Variants in TMC7 observed in about 807,000 individuals in gnomAD.
TMC7 encodes the protein transmembrane channel-like protein 7.
TMC7 carries 54 observed loss-of-function variants against 82.9 expected under a neutral mutation model. The ratio of observed to expected loss-of-function variants is 0.65; its 90% confidence interval spans 0.52 to 0.82. The LOEUF is 0.82. Among genes scored for constraint, TMC7 ranks in the 40% least tolerant of loss-of-function variants. TMC7 has a pLI of 0.00. For synonymous variants in TMC7, 350 were observed against 337.9 expected (o/e 1.04, Z -0.39); for missense variants, 820 against 901.2 (o/e 0.91, Z 1.15).
At chr16:19,035,871 C>G in intron 7 of TMC7, 48 bp downstream of exon 7, 1 of 1,524,358 alleles carries the variant, frequency 6.6e-7, no homozygotes, top group Non-Finnish European at 8.8e-7. Context: ...CCAGCAAGGT[C>G]CTGCCTTTGG....
chr16:19,004,920 C>T (rs899041663), intron 1 of TMC7, among the ~76,000 whole-genome samples: 1 of 151,462 alleles, frequency 6.6e-6, no homozygotes, highest in Non-Finnish European at 1.5e-5. Context: ...CCAAGCTGGT[C>T]TTGAATTCCT....
chr16:19,061,632 G>T, intron 15 of TMC7, 146 bp from the exon 16 acceptor site: 1 of 608,858 alleles, frequency 1.6e-6, no homozygotes, highest in Non-Finnish European at 2.8e-6. Flanking sequence ...GTGGACAAGG[G>T]GCTGTGGAGC....
chr16:19,004,894 A>G (rs1395592307), intron 1 of TMC7, among the ~76,000 whole-genome samples: 1 of 149,246 alleles, frequency 6.7e-6, no homozygotes, highest in Non-Finnish European at 1.5e-5. Flanking sequence ...TTGGAATTGG[A>G]GTCTTGTTAT....
At chr16:18,989,824 T>C (rs999032501) in intron 1 of TMC7, among the ~76,000 whole-genome samples, 2 of 151,620 alleles carry the variant, frequency 1.3e-5, no homozygotes, top group African/African-American at 4.8e-5. Flanking sequence ...AGGCGACTCC[T>C]TTTTTTTATT....
intron 4 of TMC7, among the ~76,000 whole-genome samples, chr16:19,022,322 G>A (rs1960018123): frequency 6.6e-6 from 1 of 152,182 alleles, no homozygotes; most frequent in Admixed American, 6.5e-5. Flanking sequence ...GTGCAAATAT[G>A]CAAATATATA....
Position 19,059,170 on chromosome 16 carries a change from G to A in TMC7, c.2028-246G>A, listed in dbSNP as rs554101231. Among the ~76,000 whole-genome samples the A allele has an allele frequency of 2.0e-5, 3 of 152,076 alleles. No individual in the cohort carries two copies. The East Asian group carries it at 5.8e-4, about 29-fold the overall frequency. On this transcript the variant is annotated intron_variant, in intron 14 of 15. Coordinates refer to ENST00000304381, the MANE Select transcript of TMC7 (RefSeq NM_024847.4). ...TGGGATTACAGGTGTGAGCCACTGCGCCCGGCCATATTTTATTTTTCTAGA... is the reference window on the plus strand; with the variant it reads ...TGGGATTACAGGTGTGAGCCACTGCACCCGGCCATATTTTATTTTTCTAGA...
intron 1 of TMC7, chr16:18,984,512 G>T (rs1276435000): frequency 9.6e-7 from 1 of 1,039,946 alleles, no homozygotes; most frequent in Non-Finnish European, 1.2e-6. Flanking sequence ...GGACATTTCA[G>T]CCTTCACATA....
intron 15 of TMC7, chr16:19,059,713 T>G: frequency 5.3e-6 from 8 of 1,519,994 alleles, no homozygotes; most frequent in Non-Finnish European, 7.0e-6. Flanking sequence ...TGGTGGCTCA[T>G]GCCTGTAATC....
chr16:19,043,092 T>TA (rs749104396), intron 9 of TMC7, among the ~76,000 whole-genome samples: 80 of 146,430 alleles, frequency 5.5e-4, no homozygotes, highest in South Asian at 1.1e-3. Flanking sequence ...AAAATTGTCT[T>TA]AAAAAAAAAA....
chr16:19,038,159 T>C, intron 8 of TMC7, 112 bp downstream of exon 8: 1 of 1,087,384 alleles, frequency 9.2e-7, no homozygotes, highest in Non-Finnish European at 1.3e-6. Flanking sequence ...TTGGCTGATA[T>C]GATCAAGACC....
chr16:19,026,113 G>T (rs978952279), intron 5 of TMC7, among the ~76,000 whole-genome samples: 19 of 151,402 alleles, frequency 1.3e-4, no homozygotes, highest in Non-Finnish European at 2.4e-4. Context: ...CTGATCTCAC[G>T]TTTTCCTAAA....
Position 19,063,044 on chromosome 16 carries a change from C to T in TMC7, c.*1201C>T, listed in dbSNP as rs1962073069. The T allele has an allele frequency of 6.6e-6, 1 of 152,172 alleles. No homozygotes were observed. Among genetic ancestry groups the T allele is most frequent in the Non-Finnish European group, 1.5e-5 (1 of 68,022 alleles). The allele number at this position is 152,172 out of a possible 1,614,324, so 9.4% of individuals were successfully genotyped here. A position where few individuals can be genotyped will look rare whatever the true frequency, so the allele number is the denominator to read the frequency against. ...CTCGTCCCTTTCTTACAGCCATTTT[C>T]TTGCTTTTCCACAAAGATATTATTT... On this transcript the variant is annotated 3_prime_UTR_variant, in exon 16 of 16. Transcript: ENST00000304381.
In TMC7 at chr16:18,988,974, C is replaced by T. The variant is rs564851906; in HGVS notation, c.67+4844C>T. 3.0e-4 allele frequency among the ~76,000 whole-genome samples: 46 copies of T among 151,426 alleles called. 1 individual carries two copies. In the East Asian group the frequency reaches 3.1e-3, roughly 10 times the overall value. On this transcript the variant is annotated intron_variant, in intron 1 of 15. Coordinates refer to ENST00000304381, the MANE Select transcript of TMC7 (RefSeq NM_024847.4). ...CTGAGGCAGGAGAATGGCTTGATCC[C>T]GGGAGCAGAGGTTGCTTGCAGTGAG...
At chr16:19,020,899 A>C (rs1202514282) in intron 3 of TMC7, among the ~76,000 whole-genome samples, 1 of 148,702 alleles carries the variant, frequency 6.7e-6, no homozygotes, top group Non-Finnish European at 1.5e-5. Context: ...TAAAAGCCAG[A>C]TATCTAGGAA....
rs1186034546 is a variant in TMC7 at position 19,061,666 on chromosome 16, G to A, written c.2107-112G>A. The A allele has an allele frequency of 9.9e-6, 8 of 808,472 alleles. No homozygotes were observed. In the Admixed American group the frequency reaches 1.1e-4, roughly 11 times the overall value. 50.1% of individuals were successfully genotyped at this position (808,472 alleles called of 1,614,324 possible). A position where few individuals can be genotyped will look rare whatever the true frequency, so the allele number is the denominator to read the frequency against. ...GCAGACACAATGACAGACCAGATGAGAGGCCATTACAATAGTCCAGTGGTT... is the reference window on the plus strand; with the variant it reads ...GCAGACACAATGACAGACCAGATGAAAGGCCATTACAATAGTCCAGTGGTT... On this transcript the variant is annotated intron_variant, in intron 15 of 15. Coordinates refer to ENST00000304381, the MANE Select transcript of TMC7 (RefSeq NM_024847.4).
chr16:19,061,194 G>A (rs1013029272), intron 15 of TMC7, among the ~76,000 whole-genome samples: 4 of 152,032 alleles, frequency 2.6e-5, no homozygotes, highest in Non-Finnish European at 5.9e-5. Context: ...TAGTAGAGAC[G>A]GGGTTTCGGG....
At chr16:19,051,407 C>T (rs1961535060) in intron 12 of TMC7, among the ~76,000 whole-genome samples, 1 of 149,564 alleles carries the variant, frequency 6.7e-6, no homozygotes, top group Non-Finnish European at 1.5e-5. Flanking sequence ...CCCCCCTCCC[C>T]CCACACCACA....
chr16:19,011,992 T>C (rs1167058202), intron 2 of TMC7, among the ~76,000 whole-genome samples: 5 of 151,818 alleles, frequency 3.3e-5, no homozygotes, highest in Admixed American at 3.3e-4. Flanking sequence ...AATTACAAAA[T>C]TTAGCTGGGC....
rs528871445 is a variant in TMC7 at position 18,986,505 on chromosome 16, G to A, written c.67+2375G>A. 7.2e-5 allele frequency among the ~76,000 whole-genome samples: 11 copies of A among 152,082 alleles called. No individual in the cohort carries two copies. In the East Asian group the frequency reaches 1.8e-3, roughly 24 times the overall value. On this transcript the variant is annotated intron_variant, in intron 1 of 15. Coordinates refer to ENST00000304381, the MANE Select transcript of TMC7 (RefSeq NM_024847.4). ...TGGGAGGCAGAGGTTACAGTGAGCC[G>A]AGGTTGCACCACTGCAGTCTGCCTG...
Sources: allele counts gnomAD v4.1 joint callset (sites outside exome capture counted in the v4.1 genomes callset), GRCh38; gene constraint gnomAD v4.1.1; transcripts MANE v1.5; gene names NCBI Gene and HGNC (gene_info 2026-07-23, HGNC 2026-07-21).